FUT6: variants seen among roughly 807,000 people sequenced by gnomAD.
FUT6 encodes the protein fucosyltransferase 6.
For synonymous variants in FUT6, 187 were observed against 209.9 expected, an observed-to-expected ratio of 0.89 and a Z score of 0.94; for missense variants, 454 against 494.6, an observed-to-expected ratio of 0.92 and a Z score of 0.78.
At position 5,832,343 on chromosome 19, in the gene FUT6, T is replaced by A; in HGVS notation, c.225A>T (p.Ile75=). Residue 75 remains isoleucine (I), a synonymous_variant, in exon 3 of 3, where the codon ATA becomes ATT. Transcript: ENST00000318336. This position sits in a 1 kb window ranked among gnomAD's most constrained non-coding sequence, Gnocchi z 4.3. ...CCATCTCTGAGCAGCGGGGCAGAGC[T>A]ATGGGTTTGTTAAAAGGCCACGTCC... ...LLWTWPFNKP[I]ALPRCSEMVP... 6.2e-7 allele frequency: 1 copy of A among 1,613,828 alleles called. No individual in the cohort carries two copies. The highest frequency in any genetic ancestry group is 8.5e-7 in the Non-Finnish European group (1 of 1,179,956).
chr19:5,831,551 G>C lies in FUT6; in HGVS notation c.1017C>G (p.Ala339=). 6.2e-7 allele frequency: 1 copy of C among 1,614,174 alleles called. No homozygotes were observed. The highest frequency in any genetic ancestry group is 8.5e-7 in the Non-Finnish European group (1 of 1,180,014). The stretch of plus-strand genomic sequence containing the variant: ...TGGATTCCTCCTGCAGTTTCCAGCA[G>C]GCCTTGCAGAAAGCGAGTGCCCAGC... The part of the protein sequence containing the change: ...SFSWALAFCK[A]CWKLQEESRY... The change falls in exon 3 of 3, where the codon GCC becomes GCG. Residue 339 remains alanine, a synonymous_variant. Coordinates refer to ENST00000318336, the MANE Select transcript of FUT6 (RefSeq NM_000150.4). The surrounding 1 kb of genome is among the most constrained non-coding windows in gnomAD (Gnocchi z 7.0).
chr19:5,836,212 T>TTTTCC (rs1174590786), intron 1 of FUT6, among the ~76,000 whole-genome samples: 2 of 146,580 alleles, frequency 1.4e-5, no homozygotes, highest in Non-Finnish European at 3.0e-5. Flanking sequence ...GTTAATTTTC[T>TTTTCC]TTTCTTTTCT....
At chr19:5,834,252 AAT>A in intron 2 of FUT6, 1 of 7,672 alleles carries the variant, frequency 1.3e-4, no homozygotes, top group Non-Finnish European at 2.0e-4. Flanking sequence ...TAGGAGGGAG[AAT>A]AGGCAGGCGT....
In FUT6 at chr19:5,838,889, A is replaced by C. The variant is rs1283975307; in HGVS notation, c.-353T>G. 3 of 152,240 alleles carry C rather than the reference A, an allele frequency of 2.0e-5. No individual in the cohort carries two copies. The highest frequency in any genetic ancestry group is 4.4e-5 in the Non-Finnish European group (3 of 68,062). 9.4% of individuals were successfully genotyped at this position (152,240 alleles called of 1,614,324 possible). On this transcript the variant is annotated 5_prime_UTR_variant, in exon 1 of 3. Coordinates refer to ENST00000318336, the MANE Select transcript of FUT6 (RefSeq NM_000150.4). Reference sequence around the variant, plus strand: ...GAGCCCGGACATCCTTTGAAAACAAATCGTGGGGCTCCCCTAATCCCCGTT... The same window carrying C: ...GAGCCCGGACATCCTTTGAAAACAACTCGTGGGGCTCCCCTAATCCCCGTT...
chr19:5,836,323 C>G (rs1308729273), intron 1 of FUT6, among the ~76,000 whole-genome samples: 1 of 151,732 alleles, frequency 6.6e-6, no homozygotes, highest in Non-Finnish European at 1.5e-5. Flanking sequence ...TCAAGCGATT[C>G]TCTTGCCTCA....
Position 5,831,215 on chromosome 19 carries a change from G to C in FUT6, c.*273C>G, listed in dbSNP as rs1011274715. 26 of 783,386 alleles carry C rather than the reference G, an allele frequency of 3.3e-5. No individual in the cohort carries two copies. The South Asian group carries it at 3.5e-4, about 10-fold the overall frequency. 48.5% of individuals were successfully genotyped at this position (783,386 alleles called of 1,614,324 possible). Reference sequence around the variant, plus strand: ...GACATCCCCAGCAGGCCAGGCTTCCGCAGGGGACGCTCCTGGAAGCCAGCA... The same window carrying C: ...GACATCCCCAGCAGGCCAGGCTTCCCCAGGGGACGCTCCTGGAAGCCAGCA... On this transcript the variant is annotated 3_prime_UTR_variant, in exon 3 of 3. Transcript: ENST00000318336. This position sits in a 1 kb window ranked among gnomAD's most constrained non-coding sequence, Gnocchi z 7.0.
In FUT6 at chr19:5,832,159, C is replaced by A. The variant is rs759195251; in HGVS notation, c.409G>T (p.Glu137Ter). 1 of 1,613,716 alleles carries A rather than the reference C, an allele frequency of 6.2e-7. No individual in the cohort carries two copies. The highest frequency in any genetic ancestry group is 1.1e-5 in the South Asian group (1 of 91,090). ...QGQRWIWFSM[E>*]SPSHCWQLKA... ...AGCTGCCAGCAGTGGCTTGGGGACT[C>A]CATGCTGAACCAGATCCATCGCTGC... The change falls in exon 3 of 3, where the codon GAG becomes TAG. Residue 137 changes from glutamate to a stop codon, truncating the protein, a stop_gained. Coordinates refer to ENST00000318336, the MANE Select transcript of FUT6 (RefSeq NM_000150.4). LOFTEE classifies it low-confidence loss of function (END_TRUNC). This position sits in a 1 kb window ranked among gnomAD's most constrained non-coding sequence, Gnocchi z 4.3.
At chr19:5,838,302 C>T (rs1208377239) in intron 1 of FUT6, 1 of 152,224 alleles carries the variant, frequency 6.6e-6, no homozygotes, top group Admixed American at 6.6e-5. Context: ...CAGAGAAAAT[C>T]CGGGGCCAGG....
At chr19:5,837,706 C>T (rs1367002516) in intron 1 of FUT6, among the ~76,000 whole-genome samples, 1 of 152,114 alleles carries the variant, frequency 6.6e-6, no homozygotes, top group Non-Finnish European at 1.5e-5. Context: ...GCGGAGCTTG[C>T]AGTGAGCCAA....
rs144398741 is a variant in FUT6 at position 5,831,948 on chromosome 19, C to T, written c.620G>A (p.Arg207His). 4.3e-6 allele frequency: 7 copies of T among 1,613,950 alleles called. No homozygotes were observed. The highest frequency in any genetic ancestry group is 3.3e-5 in the South Asian group (3 of 91,078). The change falls in exon 3 of 3, where the codon CGC (arginine) becomes CAC (histidine). Residue 207 changes from arginine to histidine, a missense_variant. Arg to His is a conservative substitution (Grantham distance 29). Transcript: ENST00000318336. The surrounding 1 kb of genome is among the most constrained non-coding windows in gnomAD (Gnocchi z 7.0). Reference protein sequence around the residue: ...SNWGPNSARVRYYQSLQAHLK... With the variant: ...SNWGPNSARVHYYQSLQAHLK... The stretch of plus-strand genomic sequence containing the variant: ...ATGGGCCTGCAGGCTCTGGTAGTAG[C>T]GCACCCTGGCGGAGTTTGGCCCCCA...
chr19:5,830,435 CCT>C lies in FUT6; in HGVS notation c.*1051_*1052del, dbSNP rs1568402871. 2.0e-5 allele frequency among the ~76,000 whole-genome samples: 3 copies of C among 147,098 alleles called. No individual in the cohort carries two copies. Among genetic ancestry groups the C allele is most frequent in the Non-Finnish European group, 3.0e-5 (2 of 66,526 alleles). On this transcript the variant is annotated 3_prime_UTR_variant, in exon 3 of 3. Transcript: ENST00000318336. Reference sequence around the variant, plus strand: ...GCACACTCAGAAAGGGACACTCCCCCCTTTTTTTTTTTTTCTTGAGACAGTCT... The same window carrying C: ...GCACACTCAGAAAGGGACACTCCCCCTTTTTTTTTTTTCTTGAGACAGTCT...
At position 5,839,100 on chromosome 19, in the gene FUT6, G is replaced by A. The variant is rs956413152; in HGVS notation, c.-564C>T. ...GGAGGTGGGAATGAGGAAGTGAGCA[G>A]AATTTCTACCTTTCCGCTTTCCTTC... On this transcript the variant is annotated 5_prime_UTR_variant, in exon 1 of 3. Transcript: ENST00000318336. The A allele has an allele frequency of 6.6e-6, 1 of 152,176 alleles. No individual in the cohort carries two copies. The highest frequency in any genetic ancestry group is 1.5e-5 in the Non-Finnish European group (1 of 68,042). 9.4% of individuals were successfully genotyped at this position (152,176 alleles called of 1,614,324 possible).
intron 1 of FUT6, among the ~76,000 whole-genome samples, chr19:5,837,192 C>T (rs1437222168): frequency 4.0e-5 from 6 of 151,820 alleles, no homozygotes; most frequent in Non-Finnish European, 5.9e-5. Context: ...CGCCCCCCAC[C>T]ACACCCAGGT....
At position 5,831,569 on chromosome 19, in the gene FUT6, T is replaced by C. The variant is rs1242689154; in HGVS notation, c.999A>G (p.Ala333=). The C allele has an allele frequency of 6.2e-7, 1 of 1,614,038 alleles. No homozygotes were observed. Among genetic ancestry groups the C allele is most frequent in the Non-Finnish European group, 8.5e-7 (1 of 1,179,996 alleles). Residue 333 remains alanine, a synonymous_variant, in exon 3 of 3, where the codon GCA becomes GCG. Coordinates refer to ENST00000318336, the MANE Select transcript of FUT6 (RefSeq NM_000150.4). This position sits in a 1 kb window ranked among gnomAD's most constrained non-coding sequence, Gnocchi z 7.0. Reference sequence around the variant, plus strand: ...TCCAGCAGGCCTTGCAGAAAGCGAGTGCCCAGCTGAAGGAGCGAGGCCGCA... The same window carrying C: ...TCCAGCAGGCCTTGCAGAAAGCGAGCGCCCAGCTGAAGGAGCGAGGCCGCA... ...ETLRPRSFSW[A]LAFCKACWKL...
rs753708340 is a variant in FUT6, at chr19:5,831,908, C to A, written c.660G>T (p.Val220=). 4.3e-6 allele frequency: 7 copies of A among 1,613,954 alleles called. No homozygotes were observed. The highest frequency in any genetic ancestry group is 5.9e-6 in the Non-Finnish European group (7 of 1,179,870). ...QSLQAHLKVD[V]YGRSHKPLPQ... is the part of the protein sequence containing the mutation. Reference sequence around the variant, plus strand: ...GCAGGGGCTTGTGGGAGCGTCCGTACACGTCCACCTTGAGATGGGCCTGCA... The same window carrying A: ...GCAGGGGCTTGTGGGAGCGTCCGTAAACGTCCACCTTGAGATGGGCCTGCA... Residue 220 remains valine, a synonymous_variant, in exon 3 of 3, where the codon GTG becomes GTT. Coordinates refer to ENST00000318336, the MANE Select transcript of FUT6 (RefSeq NM_000150.4). This position sits in a 1 kb window ranked among gnomAD's most constrained non-coding sequence, Gnocchi z 7.0.
chr19:5,831,208 G>C lies in FUT6; in HGVS notation c.*280C>G, dbSNP rs1013871766. 1.1e-5 allele frequency: 8 copies of C among 761,532 alleles called. No individual in the cohort carries two copies. The African/African-American group carries it at 1.4e-4, about 13-fold the overall frequency. 47.2% of individuals were successfully genotyped at this position (761,532 alleles called of 1,614,324 possible). A position where few individuals can be genotyped will look rare whatever the true frequency, so the allele number is the denominator to read the frequency against. On this transcript the variant is annotated 3_prime_UTR_variant, in exon 3 of 3. Transcript: ENST00000318336. This position sits in a 1 kb window ranked among gnomAD's most constrained non-coding sequence, Gnocchi z 7.0. ...CCCAGGAGACATCCCCAGCAGGCCAGGCTTCCGCAGGGGACGCTCCTGGAA... is the reference window on the plus strand; with the variant it reads ...CCCAGGAGACATCCCCAGCAGGCCACGCTTCCGCAGGGGACGCTCCTGGAA...
chr19:5,831,459 C>A lies in FUT6; in HGVS notation c.*29G>T. 6.2e-7 allele frequency: 1 copy of A among 1,613,714 alleles called. No homozygotes were observed. Among genetic ancestry groups the A allele is most frequent in the Non-Finnish European group, 8.5e-7 (1 of 1,180,028 alleles). The stretch of plus-strand genomic sequence containing the variant: ...GGTGAGGCCCCAGGAAAATGAGGTT[C>A]CTGGCAGCCCAGGCCCCACACCAGC... On this transcript the variant is annotated 3_prime_UTR_variant, in exon 3 of 3. Coordinates refer to ENST00000318336, the MANE Select transcript of FUT6 (RefSeq NM_000150.4). This position sits in a 1 kb window ranked among gnomAD's most constrained non-coding sequence, Gnocchi z 7.0.
rs746099144 is a variant in FUT6 at position 5,832,642 on chromosome 19, A to G, written c.-12-63T>C. The stretch of plus-strand genomic sequence containing the variant: ...ACAATCTCCTGCTTACCAAAGCTCC[A>G]GGCCATGAGTCCTGAGAAGAGCTGT... On this transcript the variant is annotated intron_variant, in intron 2 of 2. Coordinates refer to ENST00000318336, the MANE Select transcript of FUT6 (RefSeq NM_000150.4). The surrounding 1 kb of genome is among the most constrained non-coding windows in gnomAD (Gnocchi z 4.3). The G allele has an allele frequency of 1.6e-5, 20 of 1,249,854 alleles. No homozygotes were observed. The highest frequency in any genetic ancestry group is 1.9e-4 in the Middle Eastern group (1 of 5,330). The allele number at this position is 1,249,854 out of a possible 1,614,324, so 77.4% of individuals were successfully genotyped here.
chr19:5,834,758 C>T (rs1438721834), intron 2 of FUT6, 192 bp downstream of exon 2: 1 of 152,066 alleles, frequency 6.6e-6, no homozygotes, highest in Non-Finnish European at 1.5e-5. Flanking sequence ...CTGGATCACA[C>T]CACTGCACTC....
Sources: allele counts gnomAD v4.1 joint callset (sites outside exome capture counted in the v4.1 genomes callset), GRCh38; gene constraint gnomAD v4.1.1; non-coding constraint Gnocchi (gnomAD v3.1); transcripts MANE v1.5; gene names NCBI Gene and HGNC (gene_info 2026-07-23, HGNC 2026-07-21).